GALNT2: variants seen among roughly 807,000 people sequenced by gnomAD.
GALNT2 encodes the protein UDP-GalNAc:polypeptide N-acetylgalactosaminyltransferase 2.
Under a neutral mutation model 81.4 loss-of-function variants are expected in GALNT2, and 31 were observed. The ratio of observed to expected loss-of-function variants is 0.38; its 90% CI spans 0.29 to 0.51. The LOEUF is 0.51. Ranked by LOEUF, GALNT2 falls within the 20% of genes least tolerant of loss-of-function variation. GALNT2 has a pLI of 0.87. For missense variants in GALNT2, 629 were observed against 765.7 expected (o/e 0.82, Z 2.11); for synonymous variants, 303 against 287.4 (o/e 1.05, Z -0.55).
intron 2 of GALNT2, among the ~76,000 whole-genome samples, chr1:230,202,392 C>T (rs1466533578): frequency 6.6e-6 from 1 of 152,216 alleles, no homozygotes; most frequent in Non-Finnish European, 1.5e-5. Flanking sequence ...TAGGGTAGAG[C>T]TCCTCAGTGC....
At chr1:230,154,956 C>G (rs948016872) in intron 1 of GALNT2, among the ~76,000 whole-genome samples, 2 of 152,130 alleles carry the variant, frequency 1.3e-5, no homozygotes, top group Non-Finnish European at 2.9e-5. Flanking sequence ...ATCCAAGGCC[C>G]CTTGCAGTTC....
intron 8 of GALNT2, among the ~76,000 whole-genome samples, chr1:230,248,438 A>G (rs4846939): frequency 0.82 from 124,958 of 152,130 alleles, 52,095 homozygotes; most frequent in East Asian, 0.98. Context: ...CCGCAGGTGG[A>G]GCCTGCTGGC....
intron 1 of GALNT2, among the ~76,000 whole-genome samples, chr1:230,156,583 C>T (rs769060071): frequency 3.4e-4 from 51 of 152,118 alleles, no homozygotes; most frequent in Non-Finnish European, 5.0e-4. Flanking sequence ...TCGTTTGTCA[C>T]GGATCAATTT....
intron 3 of GALNT2, among the ~76,000 whole-genome samples, chr1:230,230,159 A>G (rs961366962): frequency 6.6e-6 from 1 of 152,182 alleles, no homozygotes; most frequent in African/African-American, 2.4e-5. Context: ...CAGGAGGCTC[A>G]TTGCCTTGGT....
chr1:230,088,602 A>G (rs191261273), intron 1 of GALNT2, among the ~76,000 whole-genome samples: 2 of 147,744 alleles, frequency 1.4e-5, no homozygotes, highest in Non-Finnish European at 3.0e-5. Context: ...CAGTGGCGCT[A>G]TCTCGGCTCA....
intron 1 of GALNT2, among the ~76,000 whole-genome samples, chr1:230,134,133 A>G (rs1313052630): frequency 7.5e-6 from 1 of 133,750 alleles, no homozygotes; most frequent in Non-Finnish European, 1.6e-5. Flanking sequence ...TTTTTTTGGC[A>G]GAGTCTCACT....
rs531091247 is a variant in GALNT2, at chr1:230,147,578, T to C, written c.127-30640T>C. Among the ~76,000 whole-genome samples, 8 of 152,300 alleles carry C rather than the reference T, an allele frequency of 5.3e-5. No individual in the cohort carries two copies. The South Asian group carries it at 1.7e-3, about 32-fold the overall frequency. On this transcript the variant is annotated intron_variant, in intron 1 of 15. Coordinates refer to ENST00000366672, the MANE Select transcript of GALNT2 (RefSeq NM_004481.5). Reference sequence around the variant, plus strand: ...TCCCGCGGGGGCTTTTCTTTTCTTCTCTGTTGTAAAATAATCTCAGGCCAG... The same window carrying C: ...TCCCGCGGGGGCTTTTCTTTTCTTCCCTGTTGTAAAATAATCTCAGGCCAG...
intron 2 of GALNT2, among the ~76,000 whole-genome samples, chr1:230,180,296 CTTTTTTTTTTTTTTT>C (rs56786141): frequency 1.3e-4 from 9 of 70,602 alleles, no homozygotes; most frequent in East Asian, 9.2e-4. Flanking sequence ...TGTCTAGGTT[CTTTTTTTTTTTTTTT>C]TTTTTTTTTT....
intron 3 of GALNT2, among the ~76,000 whole-genome samples, chr1:230,209,664 A>T (rs922519589): frequency 6.6e-6 from 1 of 152,196 alleles, no homozygotes; most frequent in Non-Finnish European, 1.5e-5. Context: ...CAACATAGCG[A>T]AACCCCATCT....
At chr1:230,255,403 C>G in intron 11 of GALNT2, 59 bp downstream of exon 11, 2 of 1,609,838 alleles carry the variant, frequency 1.2e-6, no homozygotes, top group Non-Finnish European at 1.7e-6. Flanking sequence ...GAAAGCAGGA[C>G]CTGACCTTGG....
At chr1:230,232,388 G>A (rs78982739) in intron 3 of GALNT2, among the ~76,000 whole-genome samples, 6,744 of 152,246 alleles carry the variant, frequency 0.044, 195 homozygotes, top group Non-Finnish European at 0.065. Context: ...TCTGAAAAAC[G>A]TTTCCAGAGC....
intron 15 of GALNT2, among the ~76,000 whole-genome samples, chr1:230,276,929 T>C (rs1015537748): frequency 1.3e-5 from 2 of 152,230 alleles, no homozygotes; most frequent in African/African-American, 4.8e-5. Flanking sequence ...TCCCCTGGGA[T>C]GTAACGGAGC....
At chr1:230,278,112 CTTTTT>C (rs34767763) in intron 15 of GALNT2, among the ~76,000 whole-genome samples, 5 of 121,190 alleles carry the variant, frequency 4.1e-5, no homozygotes, top group Non-Finnish European at 7.1e-5. Context: ...GTTTTTCTTT[CTTTTT>C]TTTTTTTTTT....
intron 3 of GALNT2, among the ~76,000 whole-genome samples, chr1:230,234,300 CAGAGAG>C (rs1664958344): frequency 6.6e-6 from 1 of 152,076 alleles, no homozygotes; most frequent in Non-Finnish European, 1.5e-5. Context: ...AGGAGAAGGT[CAGAGAG>C]AGACCTTGGT....
At chr1:230,174,817 G>A (rs541570112) in intron 1 of GALNT2, among the ~76,000 whole-genome samples, 23 of 152,074 alleles carry the variant, frequency 1.5e-4, no homozygotes, top group Non-Finnish European at 2.5e-4. Flanking sequence ...TGCCGCTTCC[G>A]TGCCCTCCTG....
intron 1 of GALNT2, among the ~76,000 whole-genome samples, chr1:230,089,635 C>T (rs964310562): frequency 1.3e-5 from 2 of 152,204 alleles, no homozygotes; most frequent in African/African-American, 2.4e-5. Context: ...TTTGACTCTT[C>T]TAGGTAGCTC....
intron 2 of GALNT2, among the ~76,000 whole-genome samples, chr1:230,180,296 CTTTTTTTTTT>C (rs56786141): frequency 0.16 from 11,017 of 70,996 alleles, 513 homozygotes; most frequent in South Asian, 0.32. Context: ...TGTCTAGGTT[CTTTTTTTTTT>C]TTTTTTTTTT....
chr1:230,112,088 A>G (rs1660720388), intron 1 of GALNT2, among the ~76,000 whole-genome samples: 1 of 152,196 alleles, frequency 6.6e-6, no homozygotes, highest in African/African-American at 2.4e-5. Flanking sequence ...AGGCATGAGA[A>G]CTGGGACCTG....
intron 11 of GALNT2, chr1:230,258,722 A>G (rs1665791625): frequency 6.6e-6 from 1 of 152,216 alleles, no homozygotes; most frequent in African/African-American, 2.4e-5. Context: ...TCTTTATTAA[A>G]ACAAAAATGT....
Sources: allele counts gnomAD v4.1 joint callset (sites outside exome capture counted in the v4.1 genomes callset), GRCh38; gene constraint gnomAD v4.1.1; transcripts MANE v1.5; gene names NCBI Gene and HGNC (gene_info 2026-07-23, HGNC 2026-07-21).